The following NXPH1 variants were observed in gnomAD, a reference collection of about 807,000 sequenced individuals.
NXPH1 encodes neurexophilin-1.
A neutral mutation model predicts 23.7 loss-of-function variants in NXPH1; 5 were observed. The observed-to-expected ratio is 0.21, with a 90% CI of 0.11 to 0.44. The LOEUF is 0.44. Among genes scored for constraint, NXPH1 ranks in the 20% least tolerant of loss-of-function variants. The pLI, the probability that NXPH1 is intolerant of heterozygous loss-of-function variation, is 0.99. For synonymous variants in NXPH1, 144 were observed against 122.2 expected (o/e 1.18, Z -1.18); for missense variants, 324 against 321.6 (o/e 1.01, Z -0.06).
chr7:8,530,928 G>A (rs1817940856), intron 2 of NXPH1, among the ~76,000 whole-genome samples: 1 of 152,154 alleles, frequency 6.6e-6, no homozygotes. Context: ...TTAGCAATGA[G>A]GTATATTTAT....
At chr7:8,613,831 T>A (rs10268953) in intron 2 of NXPH1, among the ~76,000 whole-genome samples, 4,059 of 151,946 alleles carry the variant, frequency 0.027, 190 homozygotes, top group African/African-American at 0.093. Context: ...ATCTTGGCCA[T>A]CTTTTTTCAT....
intron 2 of NXPH1, among the ~76,000 whole-genome samples, chr7:8,479,897 G>T (rs1209619947): frequency 6.6e-6 from 1 of 152,134 alleles, no homozygotes; most frequent in Non-Finnish European, 1.5e-5. Context: ...TTCAGAAGAC[G>T]CAAGAGAACT....
rs531889548 is a variant in NXPH1, at chr7:8,458,049, G to A, written c.54+22282G>A. 2.0e-5 allele frequency among the ~76,000 whole-genome samples: 3 copies of A among 152,272 alleles called. No individual in the cohort carries two copies. In the South Asian group the frequency reaches 6.2e-4, roughly 32 times the overall value. On this transcript the variant is annotated intron_variant, in intron 2 of 2. Coordinates refer to ENST00000405863, the MANE Select transcript of NXPH1 (RefSeq NM_152745.3). ...GAGAAAAATTTTAATTGGAACTGAT[G>A]CATTTCAAAAATTATGAAAATAAAT... is the stretch of plus-strand genomic sequence containing the variant.
chr7:8,728,800 CT>C (rs1254765665), intron 2 of NXPH1, among the ~76,000 whole-genome samples: 1 of 151,924 alleles, frequency 6.6e-6, no homozygotes, highest in Non-Finnish European at 1.5e-5. Context: ...CTACAATTCT[CT>C]TTTTTGGTTG....
chr7:8,477,777 T>A (rs1417938139), intron 2 of NXPH1, among the ~76,000 whole-genome samples: 1 of 152,106 alleles, frequency 6.6e-6, no homozygotes, highest in East Asian at 1.9e-4. Flanking sequence ...AGCTGAAAAA[T>A]CATCACTGTC....
At chr7:8,457,292 G>A (rs1162115203) in intron 2 of NXPH1, among the ~76,000 whole-genome samples, 1 of 152,146 alleles carries the variant, frequency 6.6e-6, no homozygotes, top group Non-Finnish European at 1.5e-5. Context: ...TAGCCTAAAT[G>A]TCTCAGACAA....
At chr7:8,643,815 A>T (rs1820354390) in intron 2 of NXPH1, among the ~76,000 whole-genome samples, 1 of 152,162 alleles carries the variant, frequency 6.6e-6, no homozygotes, top group Non-Finnish European at 1.5e-5. Flanking sequence ...TCATATATAA[A>T]TTTTAACTTT....
intron 2 of NXPH1, among the ~76,000 whole-genome samples, chr7:8,440,442 G>A (rs969741894): frequency 1.3e-5 from 2 of 152,168 alleles, no homozygotes; most frequent in Admixed American, 1.3e-4. Context: ...TAAATTCGTG[G>A]CTCCTCTGTG....
At chr7:8,574,385 A>G (rs1432021216) in intron 2 of NXPH1, among the ~76,000 whole-genome samples, 1 of 151,972 alleles carries the variant, frequency 6.6e-6, no homozygotes, top group Non-Finnish European at 1.5e-5. Context: ...AGTAGCTGGG[A>G]CTCTGACTCG....
chr7:8,497,133 T>A (rs1354524121), intron 2 of NXPH1, among the ~76,000 whole-genome samples: 1 of 152,148 alleles, frequency 6.6e-6, no homozygotes, highest in African/African-American at 2.4e-5. Flanking sequence ...GTCCTTGCGA[T>A]AGTTTTCTCA....
chr7:8,465,365 T>A (rs987625178), intron 2 of NXPH1, among the ~76,000 whole-genome samples: 5 of 152,176 alleles, frequency 3.3e-5, no homozygotes, highest in Non-Finnish European at 1.5e-5. Flanking sequence ...CAGGTGACAT[T>A]GGGGATTGTG....
At chr7:8,619,580 A>G (rs759127048) in intron 2 of NXPH1, among the ~76,000 whole-genome samples, 1 of 152,176 alleles carries the variant, frequency 6.6e-6, no homozygotes, top group African/African-American at 2.4e-5. Flanking sequence ...TTATATTTAC[A>G]TTGAGCAACC....
intron 2 of NXPH1, among the ~76,000 whole-genome samples, chr7:8,541,955 A>G (rs9640072): frequency 0.032 from 4,862 of 151,636 alleles, 250 homozygotes; most frequent in East Asian, 0.16. Context: ...CAGATAGAAC[A>G]TTTAGAAAAC....
intron 2 of NXPH1, among the ~76,000 whole-genome samples, chr7:8,597,312 C>T (rs1819247402): frequency 6.6e-6 from 1 of 151,984 alleles, no homozygotes; most frequent in Non-Finnish European, 1.5e-5. Flanking sequence ...GTTGGACATG[C>T]ATGGTGGACA....
chr7:8,482,043 C>G (rs902447515), intron 2 of NXPH1, among the ~76,000 whole-genome samples: 2 of 152,168 alleles, frequency 1.3e-5, no homozygotes, highest in Non-Finnish European at 2.9e-5. Flanking sequence ...TTGGGAGGCT[C>G]AGAGCATCTG....
rs149470186 is a variant in NXPH1, at chr7:8,515,614, A to G, written c.54+79847A>G. On this transcript the variant is annotated intron_variant, in intron 2 of 2. Transcript: ENST00000405863. ...AGTAGTTTGCTTTAAGAATAGATTA[A>G]TAACACAACTCATGAATTCCACATT... Among the ~76,000 whole-genome samples the G allele has an allele frequency of 2.3e-3, 357 of 152,284 alleles. 3 individuals are homozygous for G. Among genetic ancestry groups the G allele is most frequent in the African/African-American group, 8.0e-3 (332 of 41,572 alleles).
At chr7:8,568,647 C>CA (rs79150555) in intron 2 of NXPH1, among the ~76,000 whole-genome samples, 1,762 of 108,518 alleles carry the variant, frequency 0.016, 17 homozygotes, top group African/African-American at 0.026. Flanking sequence ...TCATTCTTAG[C>CA]AAAAAAAAAA....
At chr7:8,730,250 G>A (rs1021482307) in intron 2 of NXPH1, among the ~76,000 whole-genome samples, 1 of 149,082 alleles carries the variant, frequency 6.7e-6, no homozygotes, top group Non-Finnish European at 1.5e-5. Context: ...ACGTGAGATG[G>A]GTTTCCTGAA....
chr7:8,717,894 GTA>G (rs3059127), intron 2 of NXPH1, among the ~76,000 whole-genome samples: 37 of 147,026 alleles, frequency 2.5e-4, no homozygotes, highest in Admixed American at 2.7e-4. Context: ...CTCTCTGTGT[GTA>G]TATATATATA....
Sources: gnomAD v4.1 joint callset for allele counts (sites outside exome capture counted in the v4.1 genomes callset) on GRCh38, gnomAD v4.1.1 for gene constraint, MANE v1.5 for transcripts, NCBI Gene and HGNC (gene_info 2026-07-23, HGNC 2026-07-21) for gene names.